The following POLR2B variants were observed in gnomAD, a reference collection of about 807,000 sequenced individuals.
POLR2B encodes DNA-directed RNA polymerase II subunit RPB2.
A neutral mutation model predicts 144.6 loss-of-function variants in POLR2B; 57 were observed. That is an observed-to-expected ratio of 0.39 (90% confidence interval 0.32 to 0.49). The LOEUF (loss-of-function observed/expected upper bound fraction) is 0.49. Among genes scored for constraint, POLR2B ranks in the 20% least tolerant of loss-of-function variants. The pLI is 0.83. For synonymous variants in POLR2B, 442 were observed against 469.8 expected, an observed-to-expected ratio of 0.94 and a Z score of 0.77; for missense variants, 595 against 1,467.4, an observed-to-expected ratio of 0.41 and a Z score of 9.71.
chr4:57,011,221 T>C (rs747425359), intron 13 of POLR2B, 121 bp downstream of exon 13: 34 of 694,954 alleles, frequency 4.9e-5, no homozygotes, highest in Admixed American at 1.3e-4. Context: ...AACTGTAAAG[T>C]GTAAATTTAA....
At chr4:57,030,770 G>A in intron 24 of POLR2B, 129 bp from the exon 25 acceptor site, 1 of 630,412 alleles carries the variant, frequency 1.6e-6, no homozygotes. Flanking sequence ...TGAGGTAGCA[G>A]AATGTGTGTT....
chr4:57,012,194 C>A (rs1226458890), intron 13 of POLR2B, among the ~76,000 whole-genome samples: 1 of 152,050 alleles, frequency 6.6e-6, no homozygotes, highest in Non-Finnish European at 1.5e-5. Flanking sequence ...CACTTGAGGT[C>A]AGGAGTTTGA....
At chr4:57,028,785 A>G (rs1474063571) in intron 23 of POLR2B, among the ~76,000 whole-genome samples, 1 of 152,224 alleles carries the variant, frequency 6.6e-6, no homozygotes, top group Non-Finnish European at 1.5e-5. Flanking sequence ...AGATTAGGAC[A>G]CTAAACCTAA....
intron 10 of POLR2B, among the ~76,000 whole-genome samples, chr4:57,008,954 A>G (rs760662733): frequency 2.6e-5 from 4 of 152,176 alleles, no homozygotes; most frequent in Non-Finnish European, 5.9e-5. Flanking sequence ...CAGCTCATGA[A>G]GAGGAGTGAC....
chr4:57,000,299 A>G (rs1290446007), intron 7 of POLR2B, among the ~76,000 whole-genome samples: 1 of 152,128 alleles, frequency 6.6e-6, no homozygotes, highest in Non-Finnish European at 1.5e-5. Context: ...GCATGGTGGC[A>G]TGTTCCTGTA....
Position 57,022,185 on chromosome 4 carries a change from G to A in POLR2B, c.2454G>A (p.Glu818=). Residue 818 remains glutamate, a synonymous_variant, in exon 18 of 25, where the codon GAG becomes GAA. Transcript: ENST00000314595. ...TCTATCGCTCATACAAAGAACAGGA[G>A]TCTAAAAAAGGATTTGATCAAGAAG... is the stretch of plus-strand genomic sequence containing the variant. ...SVFYRSYKEQ[E]SKKGFDQEEV... 6.2e-7 allele frequency: 1 copy of A among 1,612,004 alleles called. No homozygotes were observed. Among genetic ancestry groups the A allele is most frequent in the Non-Finnish European group, 8.5e-7 (1 of 1,178,226 alleles).
Position 56,995,393 on chromosome 4 carries a change from T to C in POLR2B, c.719T>C (p.Leu240Pro). Residue 240 changes from leucine (L) to proline (P), a missense_variant, in exon 6 of 25, where the codon CTG becomes CCG. Physicochemically the swap from Leu to Pro is moderately conservative, Grantham distance 98. This residue lies in a region of POLR2B where 251 missense variants were observed against 567.3 expected (regional missense o/e 0.44). Coordinates refer to ENST00000314595, the MANE Select transcript of POLR2B (RefSeq NM_000938.3). The stretch of plus-strand genomic sequence containing the variant: ...ACCAGTACTATATGGGTTAGCATGC[T>C]GGCAAGAGGAGGACAGGTATGGACT... ...RPTSTIWVSMLARGGQGAKKS... is the reference protein window; with the variant it reads ...RPTSTIWVSMPARGGQGAKKS... 6.2e-7 allele frequency: 1 copy of C among 1,608,040 alleles called. No homozygotes were observed. Among genetic ancestry groups the C allele is most frequent in the Non-Finnish European group, 8.5e-7 (1 of 1,175,298 alleles).
At chr4:57,008,528 T>A (rs1030691500) in intron 10 of POLR2B, among the ~76,000 whole-genome samples, 3 of 152,204 alleles carry the variant, frequency 2.0e-5, no homozygotes, top group African/African-American at 7.2e-5. Context: ...TATTGGGACC[T>A]GTGATGTGCC....
intron 2 of POLR2B, among the ~76,000 whole-genome samples, chr4:56,987,171 A>G (rs1254879637): frequency 6.6e-6 from 1 of 152,214 alleles, no homozygotes; most frequent in African/African-American, 2.4e-5. Context: ...TCAGTGCATC[A>G]TATCAGGAGG....
intron 24 of POLR2B, 49 bp downstream of exon 24, chr4:57,030,448 G>A: frequency 1.4e-6 from 2 of 1,397,712 alleles, no homozygotes; most frequent in Non-Finnish European, 2.0e-6. Flanking sequence ...AGGAAACTGT[G>A]TTGGTCTGAT....
Position 57,025,498 on chromosome 4 carries a change from T to C in POLR2B, c.3200T>C (p.Ile1067Thr). 1 of 1,610,018 alleles carries C rather than the reference T, an allele frequency of 6.2e-7. No individual in the cohort carries two copies. The highest frequency in any genetic ancestry group is 8.5e-7 in the Non-Finnish European group (1 of 1,176,240). ...DKIHSRARGP[I>T]QILNRQPMEG... ...ATTCACTCTCGTGCTAGGGGACCTA[T>C]TCAGATCCTCAATAGACAGCCCATG... The change falls in exon 23 of 25, where the codon ATT (isoleucine) becomes ACT (threonine). Residue 1067 changes from isoleucine to threonine, a missense_variant. Ile to Thr is a moderately conservative substitution (Grantham distance 89, BLOSUM62 -1). Coordinates refer to ENST00000314595, the MANE Select transcript of POLR2B (RefSeq NM_000938.3).
At chr4:57,010,015 CACTT>C (rs1353113775) in intron 10 of POLR2B, 2 of 175,346 alleles carry the variant, frequency 1.1e-5, no homozygotes, top group African/African-American at 4.8e-5. Context: ...TTTAACTTAA[CACTT>C]ACTGAGTACT....
At chr4:57,025,159 A>G (rs1723674375) in intron 22 of POLR2B, among the ~76,000 whole-genome samples, 160 bp downstream of exon 22, 1 of 152,196 alleles carries the variant, frequency 6.6e-6, no homozygotes, top group Admixed American at 6.5e-5. Context: ...CTGCATGACT[A>G]ACACCAAGAT....
At position 57,018,545 on chromosome 4, in the gene POLR2B, G is replaced by GA. The variant is rs1370488659; in HGVS notation, c.2323+819dup. On this transcript the variant is annotated intron_variant, in intron 16 of 24. Transcript: ENST00000314595. ...GAAAAATAAGATTGGGAACATGTTAGAAGGGGAAAGAGGTTTTAGAGGTAA... is the reference window on the plus strand; with the variant it reads ...GAAAAATAAGATTGGGAACATGTTAGAAAGGGGAAAGAGGTTTTAGAGGTAA... Among the ~76,000 whole-genome samples the GA allele has an allele frequency of 2.6e-5, 4 of 152,222 alleles. No homozygotes were observed. The East Asian group carries it at 5.8e-4, about 22-fold the overall frequency.
Position 57,010,801 on chromosome 4 carries a change from T to G in POLR2B, c.1602T>G (p.Val534=). The G allele has an allele frequency of 6.2e-7, 1 of 1,609,548 alleles. No individual in the cohort carries two copies. The highest frequency in any genetic ancestry group is 1.1e-5 in the South Asian group (1 of 90,650). Residue 534 remains valine, a synonymous_variant, in exon 12 of 25, where the codon GTT becomes GTG. Transcript: ENST00000314595. ...TAGCCTTGATGGCGTATATTTCAGT[T>G]GGATCTCAACCATCTCCAATTCTGG... ...KNLALMAYIS[V]GSQPSPILEF...
At chr4:56,985,298 G>A (rs1393437652) in intron 1 of POLR2B, 16 of 984,244 alleles carry the variant, frequency 1.6e-5, no homozygotes, top group African/African-American at 3.5e-5. Flanking sequence ...GCAGTGGCGC[G>A]ATCTCAGCTC....
intron 1 of POLR2B, among the ~76,000 whole-genome samples, chr4:56,980,701 C>A (rs911702787): frequency 6.6e-6 from 1 of 152,130 alleles, no homozygotes; most frequent in African/African-American, 2.4e-5. Flanking sequence ...TCAAAAAAAA[C>A]AAGTTAAAGT....
intron 13 of POLR2B, among the ~76,000 whole-genome samples, chr4:57,013,763 C>T (rs956455072): frequency 1.1e-4 from 17 of 151,932 alleles, no homozygotes; most frequent in African/African-American, 3.9e-4. Flanking sequence ...GAGAACCAAT[C>T]GTAGATAATA....
rs1007998278 is a variant in POLR2B at position 57,014,494 on chromosome 4, C to CT, written c.1801-999dup. Among the ~76,000 whole-genome samples the CT allele has an allele frequency of 4.6e-4, 63 of 138,018 alleles. No individual in the cohort carries two copies. The South Asian group carries it at 0.012, about 27-fold the overall frequency. 90.5% of individuals were successfully genotyped at this position (138,018 alleles called of 152,430 possible). ...ACTGGCATGAGCCACCGTGCCTGGT[C>CT]TTTTTTTTTCTTTTTTTTTTTTTTT... On this transcript the variant is annotated intron_variant, in intron 13 of 24. Coordinates refer to ENST00000314595, the MANE Select transcript of POLR2B (RefSeq NM_000938.3).
Sources: gnomAD v4.1 joint callset for allele counts (sites outside exome capture counted in the v4.1 genomes callset) on GRCh38, gnomAD v4.1.1 for gene constraint, gnomAD v4.1.1 regional missense constraint, MANE v1.5 for transcripts, NCBI Gene and HGNC (gene_info 2026-07-23, HGNC 2026-07-21) for gene names.